KSR2: variants seen among roughly 807,000 people sequenced by gnomAD.
The protein encoded by KSR2 is kinase suppressor of ras 2.
A neutral mutation model predicts 107.8 loss-of-function variants in KSR2; 25 were observed. The observed-to-expected ratio is 0.23, with a 90% CI of 0.17 to 0.32. The LOEUF (loss-of-function observed/expected upper bound fraction) is 0.32. Among genes scored for constraint, KSR2 ranks in the 10% least tolerant of loss-of-function variants. KSR2 has a pLI of 1.00. For missense variants in KSR2, 887 were observed against 1,268.9 expected, an observed-to-expected ratio of 0.70 and a Z score of 4.57; for synonymous variants, 480 against 507.0, an observed-to-expected ratio of 0.95 and a Z score of 0.71.
intron 4 of KSR2, among the ~76,000 whole-genome samples, chr12:117,737,950 C>T (rs1888007656): frequency 1.3e-5 from 2 of 152,056 alleles, no homozygotes; most frequent in Admixed American, 1.3e-4. Flanking sequence ...TTAAAGTCAC[C>T]TCAGCTGCAA....
intron 4 of KSR2, among the ~76,000 whole-genome samples, chr12:117,719,446 T>G (rs550741115): frequency 6.6e-6 from 1 of 152,350 alleles, no homozygotes; most frequent in Admixed American, 6.5e-5. Context: ...TCTGCCCACC[T>G]TGGCCTCCCA....
At chr12:117,647,216 G>A (rs1883689139) in intron 5 of KSR2, among the ~76,000 whole-genome samples, 1 of 152,152 alleles carries the variant, frequency 6.6e-6, no homozygotes, top group African/African-American at 2.4e-5. Context: ...AGAGAGTGAA[G>A]GGCGAAGAAG....
chr12:117,881,368 A>G (rs2137321790), intron 1 of KSR2, among the ~76,000 whole-genome samples: 1 of 152,252 alleles, frequency 6.6e-6, no homozygotes, highest in East Asian at 1.9e-4. Flanking sequence ...GGCCACTCCA[A>G]CCAGCTGCTC....
chr12:117,552,975 C>T (rs1203475063), intron 9 of KSR2, among the ~76,000 whole-genome samples: 1 of 152,218 alleles, frequency 6.6e-6, no homozygotes, highest in African/African-American at 2.4e-5. Flanking sequence ...TAATTCCTGA[C>T]CTACAGATTC....
intron 1 of KSR2, among the ~76,000 whole-genome samples, chr12:117,959,803 C>T (rs1896609099): frequency 6.6e-6 from 1 of 151,980 alleles, no homozygotes; most frequent in Admixed American, 6.6e-5. Context: ...TGGTGATGCA[C>T]ATCTGCAGTC....
At chr12:117,579,067 TCTAG>T in intron 7 of KSR2, 48 bp downstream of exon 7, 1 of 1,313,400 alleles carries the variant, frequency 7.6e-7, no homozygotes, top group Non-Finnish European at 1.1e-6. Context: ...CCTGCATGGT[TCTAG>T]CTGACATCGG....
chr12:117,656,566 A>T (rs1357160392), intron 5 of KSR2, among the ~76,000 whole-genome samples: 1 of 152,220 alleles, frequency 6.6e-6, no homozygotes, highest in East Asian at 1.9e-4. Context: ...GTTAGCCAAG[A>T]TCGTGCCATT....
chr12:117,723,296 AAAAGT>A (rs10574822), intron 4 of KSR2, among the ~76,000 whole-genome samples: 15,681 of 152,262 alleles, frequency 0.1, 821 homozygotes, highest in Middle Eastern at 0.18. Context: ...TAATTAAACT[AAAAGT>A]AAACTGCTTT....
At chr12:117,712,652 A>G (rs1333659311) in intron 4 of KSR2, among the ~76,000 whole-genome samples, 2 of 152,228 alleles carry the variant, frequency 1.3e-5, no homozygotes, top group Non-Finnish European at 2.9e-5. Context: ...ATGGTAAGGA[A>G]TTCTACTTCT....
At chr12:117,812,792 T>TA (rs575584234) in intron 3 of KSR2, among the ~76,000 whole-genome samples, 1,017 of 62,148 alleles carry the variant, frequency 0.016, 14 homozygotes, top group Middle Eastern at 0.053. Flanking sequence ...CTCACATAAA[T>TA]AAAAAAAAAT....
At chr12:117,767,182 G>C (rs1384895746) in intron 3 of KSR2, among the ~76,000 whole-genome samples, 29 of 151,094 alleles carry the variant, frequency 1.9e-4, no homozygotes, top group Admixed American at 1.9e-3. Context: ...GGGAGGCCGA[G>C]ATGGGCGGAT....
intron 14 of KSR2, among the ~76,000 whole-genome samples, chr12:117,517,519 T>C (rs375627983): frequency 2.6e-5 from 4 of 152,142 alleles, no homozygotes; most frequent in Non-Finnish European, 1.5e-5. Context: ...TGGTGGCCAG[T>C]GGTGAGGTCT....
intron 4 of KSR2, among the ~76,000 whole-genome samples, chr12:117,672,909 G>A (rs964668739): frequency 3.9e-5 from 6 of 152,214 alleles, no homozygotes; most frequent in South Asian, 4.1e-4. Context: ...GATTACAGGC[G>A]TGGGCCACTG....
At chr12:117,837,165 A>G (rs932443092) in intron 3 of KSR2, among the ~76,000 whole-genome samples, 2 of 152,174 alleles carry the variant, frequency 1.3e-5, no homozygotes, top group Non-Finnish European at 2.9e-5. Context: ...CCGGGAAAGA[A>G]ACCCAGGGTC....
chr12:117,876,451 C>CA (rs1893854433), intron 1 of KSR2, among the ~76,000 whole-genome samples: 2 of 152,206 alleles, frequency 1.3e-5, no homozygotes, highest in Non-Finnish European at 2.9e-5. Context: ...GCTGCCTCTG[C>CA]AGGAAGGAAG....
chr12:117,540,529 T>C (rs955624996), intron 9 of KSR2, among the ~76,000 whole-genome samples: 6 of 152,204 alleles, frequency 3.9e-5, no homozygotes, highest in African/African-American at 9.6e-5. Flanking sequence ...TTTGCAGACA[T>C]AATTTAAGGT....
rs1884718635 is a variant in KSR2, at chr12:117,667,600, C to T, written c.1045G>A (p.Glu349Lys). 2 of 1,613,100 alleles carry T rather than the reference C, an allele frequency of 1.2e-6. No individual in the cohort carries two copies. The highest frequency in any genetic ancestry group is 1.7e-6 in the Non-Finnish European group (2 of 1,179,552). The change falls in exon 5 of 20, where the codon GAG becomes AAG. Residue 349 changes from glutamate (E) to lysine (K), a missense_variant. This residue lies in a region of KSR2 where 399 missense variants were observed against 479.5 expected (regional missense o/e 0.83). Coordinates refer to ENST00000339824, the MANE Select transcript of KSR2 (RefSeq NM_173598.6). ...LKIHSSVGSC[E>K]NIPSQQRSPL... ...GAGCGCTGCTGAGAGGGGATGTTCTCGCAGCTGCCTACGCTGCTGTGGATC... is the reference window on the plus strand; with the variant it reads ...GAGCGCTGCTGAGAGGGGATGTTCTTGCAGCTGCCTACGCTGCTGTGGATC...
In KSR2 at chr12:117,454,310, A is replaced by G. The variant is rs1870488582; in HGVS notation, c.*12889T>C. ...CTGGAGGGGCTGCTGATGCTGAGAA[A>G]GTGTTGATGAAATCATTATCCACAA... is the stretch of plus-strand genomic sequence containing the variant. On this transcript the variant is annotated 3_prime_UTR_variant, in exon 20 of 20. Transcript: ENST00000339824. 1 of 151,018 alleles carries G rather than the reference A, an allele frequency of 6.6e-6. No individual in the cohort carries two copies. The highest frequency in any genetic ancestry group is 1.5e-5 in the Non-Finnish European group (1 of 68,040). 9.4% of individuals were successfully genotyped at this position (151,018 alleles called of 1,614,324 possible).
chr12:117,494,635 G>A (rs909976581), intron 14 of KSR2, among the ~76,000 whole-genome samples: 4 of 152,146 alleles, frequency 2.6e-5, no homozygotes, highest in Admixed American at 2.0e-4. Flanking sequence ...CTGTATGCAC[G>A]ACAGACCTAG....
Sources: allele counts gnomAD v4.1 joint callset (sites outside exome capture counted in the v4.1 genomes callset), GRCh38; gene constraint gnomAD v4.1.1; regional missense constraint gnomAD v4.1.1; transcripts MANE v1.5; gene names NCBI Gene and HGNC (gene_info 2026-07-23, HGNC 2026-07-21).